Variants in CTPS2 observed in about 807,000 individuals in gnomAD.
CTPS2 encodes the protein CTP synthase II.
A neutral mutation model predicts 46.8 loss-of-function variants in CTPS2; 19 were observed. The ratio of observed to expected loss-of-function variants is 0.41; its 90% CI spans 0.28 to 0.60. CTPS2 has a LOEUF of 0.60. Among genes scored for constraint, CTPS2 ranks in the 20% least tolerant of loss-of-function variants. The probability of loss-of-function intolerance (pLI) is 0.35; values close to 1 mark genes in which losing one functional copy is unlikely to be tolerated. For missense variants in CTPS2, 286 were observed against 447.6 expected, an observed-to-expected ratio of 0.64 and a Z score of 3.26; for synonymous variants, 151 against 165.2, an observed-to-expected ratio of 0.91 and a Z score of 0.66.
chrX:16,618,427 G>A (rs1472712715), intron 15 of CTPS2, among the ~76,000 whole-genome samples: 1 of 111,989 alleles, frequency 8.9e-6, no homozygotes, highest in Non-Finnish European at 1.9e-5. Context: ...GTTTTTGTGT[G>A]GACATACATT....
At chrX:16,687,227 A>C (rs1363185497) in intron 8 of CTPS2, among the ~76,000 whole-genome samples, 1 of 110,835 alleles carries the variant, frequency 9.0e-6, no homozygotes, top group Non-Finnish European at 1.9e-5. Flanking sequence ...AGCGCCAGGC[A>C]TATGGCTCAT....
intron 4 of CTPS2, among the ~76,000 whole-genome samples, chrX:16,696,605 T>C (rs1924133104): frequency 8.9e-6 from 1 of 111,766 alleles, no homozygotes; most frequent in African/African-American, 3.2e-5. Flanking sequence ...CTTGGGAGGC[T>C]GAGGCAAGAT....
intron 17 of CTPS2, among the ~76,000 whole-genome samples, chrX:16,595,741 G>C (rs1929205806): frequency 8.9e-6 from 1 of 112,302 alleles, no homozygotes; most frequent in Non-Finnish European, 1.9e-5. Context: ...ACCATATATG[G>C]TAGTGCAGAT....
At chrX:16,599,793 T>C (rs1929550003) in intron 17 of CTPS2, among the ~76,000 whole-genome samples, 1 of 105,367 alleles carries the variant, frequency 9.5e-6, no homozygotes, top group Non-Finnish European at 1.9e-5. Flanking sequence ...CCTTTTTTTT[T>C]CTTTTGACAC....
intron 13 of CTPS2, among the ~76,000 whole-genome samples, chrX:16,642,029 G>A (rs73630558): frequency 6.5e-4 from 73 of 112,222 alleles, no homozygotes; most frequent in African/African-American, 2.3e-3. Context: ...GTGGTACAGA[G>A]GGAGTGAGGA....
intron 13 of CTPS2, among the ~76,000 whole-genome samples, chrX:16,656,613 A>AC (rs1461831829): frequency 9.0e-6 from 1 of 110,925 alleles, no homozygotes; most frequent in African/African-American, 3.3e-5. Flanking sequence ...ACAGGGTTTC[A>AC]CCGTGTTAGC....
rs1015572016 is a variant in CTPS2 at position 16,694,187 on chromosome X, C to T, written c.439-700G>A. Among the ~76,000 whole-genome samples, 6 of 111,470 alleles carry T rather than the reference C, an allele frequency of 5.4e-5. No individual in the cohort carries two copies. The Admixed American group carries it at 5.7e-4, about 11-fold the overall frequency. On this transcript the variant is annotated intron_variant, in intron 4 of 18. Transcript: ENST00000359276. ...TCAAAACAAAAACAAAAACAAAAAA[C>T]TAGCATCAAATCTCCTTAATGCAGC...
Position 16,699,023 on chromosome X carries a change from A to G in CTPS2, c.237T>C (p.Asp79=). Residue 79 remains aspartate (D), a synonymous_variant, in exon 3 of 19, where the codon GAT becomes GAC. Coordinates refer to ENST00000359276, the MANE Select transcript of CTPS2 (RefSeq NM_175859.3). ...LDLGNYERFL[D]INLYKDNNIT... is the part of the protein sequence containing the mutation. The stretch of plus-strand genomic sequence containing the variant: ...TATTGTTGTCTTTATAAAGATTAAT[A>G]TCCAAAAATCTTTCATAATTTCCAA... The G allele has an allele frequency of 8.4e-7, 1 of 1,186,035 alleles. No homozygotes were observed. The highest frequency in any genetic ancestry group is 1.1e-6 in the Non-Finnish European group (1 of 879,661).
At chrX:16,610,702 A>T (rs1375358782) in intron 16 of CTPS2, among the ~76,000 whole-genome samples, 1 of 112,318 alleles carries the variant, frequency 8.9e-6, no homozygotes, top group Admixed American at 9.5e-5. Flanking sequence ...TATATACCCA[A>T]AGGAAAATAA....
intron 17 of CTPS2, among the ~76,000 whole-genome samples, chrX:16,598,737 C>T (rs1465704045): frequency 5.4e-5 from 6 of 110,802 alleles, no homozygotes; most frequent in Admixed American, 9.6e-5. Context: ...ATACCAAAGC[C>T]GGGCAGAGAC....
chrX:16,645,078 G>A (rs992077367), intron 13 of CTPS2, among the ~76,000 whole-genome samples: 1 of 111,402 alleles, frequency 9.0e-6, no homozygotes, highest in African/African-American at 3.3e-5. Flanking sequence ...CGCCTCCCGG[G>A]TTCACGCCAT....
intron 13 of CTPS2, among the ~76,000 whole-genome samples, chrX:16,666,139 C>T (rs921824743): frequency 8.9e-6 from 1 of 111,903 alleles, no homozygotes; most frequent in African/African-American, 3.3e-5. Context: ...GATTGTGAGG[C>T]GCGAGCTCCA....
intron 1 of CTPS2, among the ~76,000 whole-genome samples, chrX:16,706,108 A>C (rs1186871594): frequency 9.1e-6 from 1 of 109,329 alleles, no homozygotes; most frequent in Non-Finnish European, 1.9e-5. Flanking sequence ...CTCAAAAAAA[A>C]AAAAAGAAAG....
intron 4 of CTPS2, among the ~76,000 whole-genome samples, chrX:16,694,031 G>T (rs1172037162): frequency 9.1e-6 from 1 of 110,053 alleles, no homozygotes; most frequent in African/African-American, 3.3e-5. Flanking sequence ...GGACGTGGTG[G>T]GGCACACCTG....
chrX:16,683,314 C>A, intron 8 of CTPS2, 88 bp from the exon 9 acceptor site: 1 of 1,002,680 alleles, frequency 1.0e-6, no homozygotes, highest in Non-Finnish European at 1.4e-6. Flanking sequence ...TACTCCAAGG[C>A]ACTTTTTAAA....
At chrX:16,657,209 T>A (rs77843298) in intron 13 of CTPS2, among the ~76,000 whole-genome samples, 2 of 104,409 alleles carry the variant, frequency 1.9e-5, no homozygotes, top group Non-Finnish European at 3.9e-5. Context: ...TTTTTTTTTT[T>A]AATCTAATGA....
At chrX:16,692,145 C>T (rs1923744518) in intron 6 of CTPS2, among the ~76,000 whole-genome samples, 1 of 111,574 alleles carries the variant, frequency 9.0e-6, no homozygotes, top group Admixed American at 9.6e-5. Context: ...GGACACATCA[C>T]TGTTTAGACT....
At chrX:16,700,029 T>C (rs1373191481) in intron 2 of CTPS2, among the ~76,000 whole-genome samples, 1 of 108,571 alleles carries the variant, frequency 9.2e-6, no homozygotes, top group African/African-American at 3.4e-5. Flanking sequence ...GCCTCCTGGA[T>C]CCAAGCAATT....
intron 2 of CTPS2, among the ~76,000 whole-genome samples, chrX:16,700,176 G>A (rs1924446759): frequency 9.4e-6 from 1 of 106,892 alleles, no homozygotes; most frequent in African/African-American, 3.4e-5. Flanking sequence ...GAGTGCAGTG[G>A]TGCGATCTCG....
Sources: allele counts gnomAD v4.1 joint callset (sites outside exome capture counted in the v4.1 genomes callset), GRCh38; gene constraint gnomAD v4.1.1; transcripts MANE v1.5; gene names NCBI Gene and HGNC (gene_info 2026-07-23, HGNC 2026-07-21).